Variants in FAM169A observed in about 807,000 individuals in gnomAD.
FAM169A encodes the protein soluble lamin-associated protein of 75 kDa.
Under a neutral mutation model 75.7 loss-of-function variants are expected in FAM169A, and 24 were observed. The ratio of observed to expected loss-of-function variants is 0.32; its 90% CI spans 0.23 to 0.45. The LOEUF is 0.45. Among genes scored for constraint, FAM169A ranks in the 20% least tolerant of loss-of-function variants. The pLI, the probability that FAM169A is intolerant of heterozygous loss-of-function variation, is 1.00. For missense variants in FAM169A, 673 were observed against 784.0 expected, an observed-to-expected ratio of 0.86 and a Z score of 1.69; for synonymous variants, 271 against 271.0, an observed-to-expected ratio of 1.00 and a Z score of 0.00.
intron 5 of FAM169A, among the ~76,000 whole-genome samples, chr5:74,817,924 G>A (rs1747554368): frequency 6.6e-6 from 1 of 152,084 alleles, no homozygotes; most frequent in Non-Finnish European, 1.5e-5. Context: ...TATATTTAAC[G>A]AATGCTGCTA....
upstream of FAM169A, chr5:74,866,763 C>T (rs2112774128): frequency 1.0e-6 from 1 of 985,530 alleles, no homozygotes; most frequent in East Asian, 1.1e-4. Context: ...TCGCAGGATT[C>T]TGTTCGCATA....
chr5:74,838,849 GT>G, intron 4 of FAM169A, 115 bp downstream of exon 4: 2 of 766,318 alleles, frequency 2.6e-6, no homozygotes, highest in South Asian at 3.2e-5. Flanking sequence ...AAATTCTAGG[GT>G]TTAATATAAC....
At chr5:74,847,308 C>A (rs1307970883) in intron 1 of FAM169A, among the ~76,000 whole-genome samples, 1 of 151,966 alleles carries the variant, frequency 6.6e-6, no homozygotes, top group Non-Finnish European at 1.5e-5. Context: ...CCCCCACCAC[C>A]CCCTGGTAAC....
intron 12 of FAM169A, among the ~76,000 whole-genome samples, 181 bp downstream of exon 12, chr5:74,782,747 GGTT>G (rs766820274): frequency 6.6e-5 from 10 of 151,880 alleles, no homozygotes; most frequent in South Asian, 6.3e-4. Context: ...ATATGAATAA[GGTT>G]ATTATTTGAA....
intron 8 of FAM169A, among the ~76,000 whole-genome samples, chr5:74,803,656 A>G (rs1045453361): frequency 2.0e-5 from 3 of 152,124 alleles, no homozygotes; most frequent in African/African-American, 7.2e-5. Context: ...AGTCCCATCA[A>G]TGGGCCATAT....
chr5:74,794,907 A>C (rs2112502759), intron 11 of FAM169A, among the ~76,000 whole-genome samples: 1 of 152,298 alleles, frequency 6.6e-6, no homozygotes, highest in East Asian at 1.9e-4. Flanking sequence ...GTGAGCTGAC[A>C]TAACATATGT....
intron 5 of FAM169A, among the ~76,000 whole-genome samples, chr5:74,832,846 T>C (rs570749260): frequency 6.6e-6 from 1 of 152,092 alleles, no homozygotes; most frequent in African/African-American, 2.4e-5. Context: ...TCCATTGTTA[T>C]CTGGTACAAC....
At chr5:74,861,852 A>T (rs1352386176) in intron 1 of FAM169A, among the ~76,000 whole-genome samples, 1 of 152,208 alleles carries the variant, frequency 6.6e-6, no homozygotes, top group African/African-American at 2.4e-5. Context: ...ACGTCAGCCA[A>T]TGAGCTTTAT....
chr5:74,863,889 C>T (rs979485431), intron 1 of FAM169A, among the ~76,000 whole-genome samples: 1 of 151,976 alleles, frequency 6.6e-6, no homozygotes, highest in Non-Finnish European at 1.5e-5. Context: ...AAAAAAAAAT[C>T]TCATTCCCCA....
intron 6 of FAM169A, among the ~76,000 whole-genome samples, chr5:74,808,291 TA>T (rs954612036): frequency 6.6e-6 from 1 of 152,032 alleles, no homozygotes; most frequent in African/African-American, 2.4e-5. Context: ...TATCCAGCCA[TA>T]AAAAGGAATG....
chr5:74,783,423 A>T (rs1471167409), intron 11 of FAM169A, among the ~76,000 whole-genome samples: 3 of 152,220 alleles, frequency 2.0e-5, no homozygotes, highest in Non-Finnish European at 4.4e-5. Flanking sequence ...AGATTCAATG[A>T]AAAGACCCTA....
rs6891959 is a variant in FAM169A, at chr5:74,803,530, G to C, written c.912+963C>G. ...CTAACACTCACCAAAAATAAACTTA[G>C]ATACACACGTACAACATATGTAGTG... On this transcript the variant is annotated intron_variant, in intron 8 of 12. Coordinates refer to ENST00000687041, the MANE Select transcript of FAM169A (RefSeq NM_001376049.1). 4.0e-3 allele frequency among the ~76,000 whole-genome samples: 608 copies of C among 152,164 alleles called. 2 individuals carry two copies. Among genetic ancestry groups the C allele is most frequent in the African/African-American group, 0.014 (586 of 41,538 alleles).
intron 6 of FAM169A, 21 bp downstream of exon 6, chr5:74,813,819 T>G: frequency 6.7e-7 from 1 of 1,486,590 alleles, no homozygotes; most frequent in Non-Finnish European, 8.9e-7. Context: ...AGTTTATTAT[T>G]TTTTAACTTA....
chr5:74,806,440 A>C (rs141202645), intron 6 of FAM169A, among the ~76,000 whole-genome samples: 335 of 152,374 alleles, frequency 2.2e-3, no homozygotes, highest in African/African-American at 7.8e-3. Context: ...AAATGTTTAA[A>C]AGAAAACATA....
chr5:74,812,973 A>G (rs191738376), intron 6 of FAM169A, among the ~76,000 whole-genome samples: 8 of 152,362 alleles, frequency 5.3e-5, no homozygotes, highest in Non-Finnish European at 8.8e-5. Context: ...ATACAATGGA[A>G]TATTATTCAG....
chr5:74,809,896 C>T (rs1192882129), intron 6 of FAM169A, among the ~76,000 whole-genome samples: 1 of 152,116 alleles, frequency 6.6e-6, no homozygotes, highest in Non-Finnish European at 1.5e-5. Context: ...AACGGGAATG[C>T]GAAATGACAT....
At chr5:74,866,090 G>T in intron 1 of FAM169A, 75 bp downstream of exon 1, 1 of 756,758 alleles carries the variant, frequency 1.3e-6, no homozygotes, top group Non-Finnish European at 1.6e-6. Flanking sequence ...TCTGGTGCTG[G>T]CGGGGGCGCG....
intron 1 of FAM169A, among the ~76,000 whole-genome samples, chr5:74,843,270 A>C (rs982056930): frequency 6.6e-6 from 1 of 152,150 alleles, no homozygotes; most frequent in Admixed American, 6.5e-5. Context: ...CAGCATCATA[A>C]AGGTACTGGA....
intron 5 of FAM169A, among the ~76,000 whole-genome samples, chr5:74,827,427 C>A (rs1381856036): frequency 6.6e-6 from 1 of 151,888 alleles, no homozygotes; most frequent in African/African-American, 2.4e-5. Flanking sequence ...TATTTTTATG[C>A]ATGGAAGTTT....
Sources: gnomAD v4.1 joint callset for allele counts (sites outside exome capture counted in the v4.1 genomes callset) on GRCh38, gnomAD v4.1.1 for gene constraint, MANE v1.5 for transcripts, NCBI Gene and HGNC (gene_info 2026-07-23, HGNC 2026-07-21) for gene names.